Variants in ZNF618 observed in about 807,000 individuals in gnomAD.
The protein encoded by ZNF618 is zinc finger protein 618.
In ZNF618, 34 loss-of-function variants were observed where a neutral mutation model predicts 103.0. The ratio of observed to expected loss-of-function variants is 0.33; its 90% CI spans 0.25 to 0.44. The LOEUF (loss-of-function observed/expected upper bound fraction) is 0.44. Ranked by LOEUF, ZNF618 falls within the 20% of genes least tolerant of loss-of-function variation. ZNF618 has a pLI of 1.00. For missense variants in ZNF618, 1,059 were observed against 1,295.4 expected, an observed-to-expected ratio of 0.82 and a Z score of 2.80; for synonymous variants, 551 against 542.2, an observed-to-expected ratio of 1.02 and a Z score of -0.23.
intron 14 of ZNF618, 118 bp from the exon 15 acceptor site, chr9:114,048,533 G>A: frequency 1.8e-6 from 2 of 1,100,162 alleles, no homozygotes; most frequent in Admixed American, 2.5e-5. Flanking sequence ...CCATGTGTGT[G>A]CAAGAGGAAA....
rs1197772584 is a variant in ZNF618, at chr9:114,050,195, AAAAG to A, written c.*30_*33del. ...CTTGACTTCGGGGGAAAAAAAAAGA[AAAAG>A]AGAAGATAACATTAGAAAAAAACCA... On this transcript the variant is annotated 3_prime_UTR_variant, in exon 15 of 15. Transcript: ENST00000374126. The A allele has an allele frequency of 2.0e-6, 3 of 1,516,498 alleles. No homozygotes were observed. The highest frequency in any genetic ancestry group is 1.8e-6 in the Non-Finnish European group (2 of 1,141,774). 93.9% of individuals were successfully genotyped at this position (1,516,498 alleles called of 1,614,324 possible). A position where few individuals can be genotyped will look rare whatever the true frequency, so the allele number is the denominator to read the frequency against.
At chr9:113,958,071 G>A (rs814678) in intron 1 of ZNF618, among the ~76,000 whole-genome samples, 7,483 of 152,098 alleles carry the variant, frequency 0.049, 238 homozygotes, top group African/African-American at 0.086. Context: ...AAAGAACTGA[G>A]ATTCATTTCT....
In ZNF618 at chr9:114,051,637, C is replaced by T. The variant is rs1379889099; in HGVS notation, c.*1470C>T. ...CAGCCCTCGGGGTCCTCACTCACAC[C>T]TCCGACTTCCAGGACGGCAGTGAGC... On this transcript the variant is annotated 3_prime_UTR_variant, in exon 15 of 15. Transcript: ENST00000374126. 2 of 152,382 alleles carry T rather than the reference C, an allele frequency of 1.3e-5. No homozygotes were observed. The highest frequency in any genetic ancestry group is 4.1e-4 in the South Asian group (2 of 4,828). 9.4% of individuals were successfully genotyped at this position (152,382 alleles called of 1,614,324 possible). A position where few individuals can be genotyped will look rare whatever the true frequency, so the allele number is the denominator to read the frequency against.
intron 3 of ZNF618, among the ~76,000 whole-genome samples, chr9:113,990,337 A>G (rs968615278): frequency 7.9e-5 from 12 of 152,210 alleles, no homozygotes; most frequent in Admixed American, 6.5e-4. Flanking sequence ...GGGCTCCAGG[A>G]CCTGCCTGAT....
At chr9:113,952,810 C>T (rs1571578) in intron 1 of ZNF618, among the ~76,000 whole-genome samples, 12,062 of 152,246 alleles carry the variant, frequency 0.079, 603 homozygotes, top group East Asian at 0.19. Flanking sequence ...ATTCACATTC[C>T]AGACTTGCCA....
chr9:113,983,280 C>G lies in ZNF618; in HGVS notation c.78-5041C>G, dbSNP rs1450013347. On this transcript the variant is annotated intron_variant, in intron 2 of 14. Transcript: ENST00000374126. ...GTTAGAAGGAGCTGCGCCACTAACT[C>G]AAAGTGATATAAGTACTTATGTGAT... Among the ~76,000 whole-genome samples the G allele has an allele frequency of 1.3e-5, 2 of 152,138 alleles. 1 individual carries two copies. Among genetic ancestry groups the G allele is most frequent in the Non-Finnish European group, 2.9e-5 (2 of 68,034 alleles).
intron 1 of ZNF618, among the ~76,000 whole-genome samples, chr9:113,947,137 C>A (rs984561868): frequency 1.2e-4 from 18 of 152,142 alleles, no homozygotes; most frequent in Non-Finnish European, 2.6e-4. Flanking sequence ...GGAAGGTTTG[C>A]AGAATGAAGC....
At chr9:113,993,854 C>T (rs1166297927) in intron 3 of ZNF618, among the ~76,000 whole-genome samples, 2 of 150,760 alleles carry the variant, frequency 1.3e-5, no homozygotes. Context: ...AGACACATTC[C>T]AGGGTGTCCT....
intron 2 of ZNF618, among the ~76,000 whole-genome samples, chr9:113,970,487 G>GAAAC (rs1837851527): frequency 6.6e-6 from 1 of 152,100 alleles, no homozygotes; most frequent in Non-Finnish European, 1.5e-5. Flanking sequence ...TATGATCTTT[G>GAAAC]TGGCAGTTTC....
At chr9:113,885,812 T>C (rs1456945168) in intron 1 of ZNF618, among the ~76,000 whole-genome samples, 2 of 152,062 alleles carry the variant, frequency 1.3e-5, no homozygotes, top group Non-Finnish European at 2.9e-5. Context: ...ACTCCTTTCT[T>C]AAAAAGGAAA....
intron 2 of ZNF618, among the ~76,000 whole-genome samples, chr9:113,981,122 G>A (rs1255351658): frequency 6.6e-6 from 1 of 152,170 alleles, no homozygotes; most frequent in Non-Finnish European, 1.5e-5. Context: ...GTGTATTTAA[G>A]CTCAGCTGGA....
At chr9:114,013,088 A>C (rs1842390841) in intron 9 of ZNF618, among the ~76,000 whole-genome samples, 1 of 152,340 alleles carries the variant, frequency 6.6e-6, no homozygotes, top group East Asian at 1.9e-4. Flanking sequence ...CTGCAATACT[A>C]AATCTTAGAA....
chr9:113,938,121 G>C (rs1244331944), intron 1 of ZNF618, among the ~76,000 whole-genome samples: 2 of 147,154 alleles, frequency 1.4e-5, no homozygotes, highest in African/African-American at 2.5e-5. Context: ...GCAGGAATGT[G>C]TCTCTTTAGG....
At chr9:113,890,535 T>C (rs554319911) in intron 1 of ZNF618, among the ~76,000 whole-genome samples, 1 of 152,348 alleles carries the variant, frequency 6.6e-6, no homozygotes, top group South Asian at 2.1e-4. Flanking sequence ...TTTTGGTTAT[T>C]TCTAATTTGT....
intron 1 of ZNF618, among the ~76,000 whole-genome samples, chr9:113,961,744 A>T (rs936745653): frequency 2.1e-4 from 32 of 152,250 alleles, no homozygotes; most frequent in Admixed American, 3.9e-4. Flanking sequence ...TCCTCTTTGT[A>T]ACTTGCAAAG....
intron 1 of ZNF618, among the ~76,000 whole-genome samples, chr9:113,899,137 GT>G (rs898789969): frequency 1.1e-3 from 156 of 146,176 alleles, no homozygotes; most frequent in African/African-American, 3.3e-3. Flanking sequence ...TTTTTCCCTA[GT>G]TTTTTTTTTT....
intron 1 of ZNF618, among the ~76,000 whole-genome samples, chr9:113,882,549 A>ATCG (rs1176478720): frequency 6.6e-6 from 1 of 152,194 alleles, no homozygotes; most frequent in Non-Finnish European, 1.5e-5. Flanking sequence ...CTGGTGGCTT[A>ATCG]TCGTTAGCAG....
At chr9:113,993,325 T>C (rs1371768733) in intron 3 of ZNF618, among the ~76,000 whole-genome samples, 1 of 152,228 alleles carries the variant, frequency 6.6e-6, no homozygotes, top group East Asian at 1.9e-4. Flanking sequence ...TACTGTACAT[T>C]GTCCAATGAT....
intron 1 of ZNF618, among the ~76,000 whole-genome samples, chr9:113,885,097 G>A (rs1408267784): frequency 6.6e-6 from 1 of 152,142 alleles, no homozygotes; most frequent in Non-Finnish European, 1.5e-5. Context: ...GAGTGATCAG[G>A]TTTCAAAGGG....
Sources: allele counts gnomAD v4.1 joint callset (sites outside exome capture counted in the v4.1 genomes callset), GRCh38; gene constraint gnomAD v4.1.1; transcripts MANE v1.5; gene names NCBI Gene and HGNC (gene_info 2026-07-23, HGNC 2026-07-21).